The following NBDY variants were observed in gnomAD, a reference collection of about 807,000 sequenced individuals.
NBDY encodes P-body dissociating protein.
chrX:56,783,952 CT>C (rs11324047), intron 2 of NBDY, among the ~76,000 whole-genome samples: 11,090 of 112,327 alleles, frequency 0.099, 1,153 homozygotes, highest in African/African-American at 0.3. Context: ...GGAGCGTTCT[CT>C]GCCTCCCTCC....
At chrX:56,813,128 G>A (rs1420959038) in intron 2 of NBDY, among the ~76,000 whole-genome samples, 2 of 111,124 alleles carry the variant, frequency 1.8e-5, no homozygotes, top group Admixed American at 9.6e-5. Context: ...CATGGCACAT[G>A]TATACATATG....
chrX:56,740,646 G>C (rs1432345360), intron 2 of NBDY, among the ~76,000 whole-genome samples: 1 of 111,355 alleles, frequency 9.0e-6, no homozygotes, highest in African/African-American at 3.3e-5. Context: ...TACAAGTCTA[G>C]AATAGATACA....
rs1428813389 is a variant in NBDY, at chrX:56,732,068, G to A, written c.*35G>A. ...TATTTTTTACTATTTTTCAGTCTTT[G>A]AGTGATTGCAGTATGACTCCATTTC... On this transcript the variant is annotated 3_prime_UTR_variant, in exon 2 of 3. Transcript: ENST00000374922. 3.4e-6 allele frequency: 1 copy of A among 294,757 alleles called. No individual in the cohort carries two copies. The highest frequency in any genetic ancestry group is 2.8e-5 in the African/African-American group (1 of 36,342). 24.3% of individuals were successfully genotyped at this position (294,757 alleles called of 1,213,427 possible).
rs1157131797 is a variant in NBDY, at chrX:56,730,513, C to CAAAAAAAAAAAAAAAAAAAAAAA, written c.*29+935_*29+957dup. ...GCGACAATAGCAAAAAACTACGTCT[C>CAAAAAAAAAAAAAAAAAAAAAAA]AAAAAAAAAAAAAAAAAAAAAAAAA... On this transcript the variant is annotated intron_variant, in intron 1 of 2. Transcript: ENST00000374922. Among the ~76,000 whole-genome samples, 2 of 11,207 alleles carry CAAAAAAAAAAAAAAAAAAAAAAA rather than the reference C, an allele frequency of 1.8e-4. 1 individual carries two copies. The highest frequency in any genetic ancestry group is 3.5e-4 in the Non-Finnish European group (2 of 5,792). The allele number at this position is 11,207 out of a possible 115,157, so 9.7% of individuals were successfully genotyped here.
At chrX:56,801,712 CCCT>C (rs895155785) in intron 2 of NBDY, among the ~76,000 whole-genome samples, 1 of 110,672 alleles carries the variant, frequency 9.0e-6, no homozygotes, top group Admixed American at 9.6e-5. Flanking sequence ...CAAGTTGTCC[CCCT>C]TTGTCTTTTC....
chrX:56,746,140 G>A (rs1365441247), intron 2 of NBDY, among the ~76,000 whole-genome samples: 6 of 111,407 alleles, frequency 5.4e-5, no homozygotes, highest in Middle Eastern at 4.6e-3. Context: ...TACTTAGTCC[G>A]GTTGGTTGTC....
intron 2 of NBDY, among the ~76,000 whole-genome samples, chrX:56,793,929 T>C (rs776697209): frequency 1.8e-5 from 2 of 112,155 alleles, no homozygotes; most frequent in South Asian, 7.4e-4. Flanking sequence ...AGGGGCTCCC[T>C]GTTCCCCCTG....
chrX:56,749,294 C>T (rs1037378552), intron 2 of NBDY, among the ~76,000 whole-genome samples: 1 of 111,202 alleles, frequency 9.0e-6, no homozygotes, highest in Non-Finnish European at 1.9e-5. Flanking sequence ...TTCTATATCC[C>T]ATACAACTTT....
intron 2 of NBDY, among the ~76,000 whole-genome samples, chrX:56,784,242 C>A (rs753812199): frequency 8.9e-6 from 1 of 112,103 alleles, no homozygotes; most frequent in Non-Finnish European, 1.9e-5. Flanking sequence ...GGGGAAGGGA[C>A]CAAATCTTGT....
At chrX:56,763,586 T>A (rs1252959392) in intron 2 of NBDY, among the ~76,000 whole-genome samples, 1 of 112,645 alleles carries the variant, frequency 8.9e-6, no homozygotes, top group East Asian at 2.8e-4. Flanking sequence ...GCAGTAGCCC[T>A]ATGATCCTAG....
intron 2 of NBDY, among the ~76,000 whole-genome samples, chrX:56,816,355 C>T (rs567384833): frequency 3.0e-4 from 33 of 111,269 alleles, no homozygotes; most frequent in Middle Eastern, 5.4e-3. Flanking sequence ...TAAAATTGTA[C>T]GTTTCTAAAG....
chrX:56,802,930 C>CTT (rs113901857), intron 2 of NBDY, among the ~76,000 whole-genome samples: 2 of 110,803 alleles, frequency 1.8e-5, no homozygotes, highest in African/African-American at 6.7e-5. Context: ...TCCTCCCTGT[C>CTT]TTTTTTTTGT....
At chrX:56,759,475 G>A (rs775931321) in intron 2 of NBDY, among the ~76,000 whole-genome samples, 1 of 111,471 alleles carries the variant, frequency 9.0e-6, no homozygotes, top group Non-Finnish European at 1.9e-5. Context: ...CCTAGTGGCT[G>A]TTTTCTTTTT....
At chrX:56,736,316 GTGCAGTGGCGCAATCTAGGCCCAC>G (rs1306032155) in intron 2 of NBDY, among the ~76,000 whole-genome samples, 1 of 112,040 alleles carries the variant, frequency 8.9e-6, no homozygotes, top group Admixed American at 9.4e-5. Flanking sequence ...TCAGGCTGAA[GTGCAGTGGCGCAATCTAGGCCCAC>G]TGCAGCCTCC....
chrX:56,767,635 G>A (rs377246902), intron 2 of NBDY, among the ~76,000 whole-genome samples: 120 of 113,477 alleles, frequency 1.1e-3, no homozygotes, highest in African/African-American at 3.6e-3. Context: ...TTAGCAACTG[G>A]GCCAGCAGCT....
At chrX:56,743,875 G>A (rs923103820) in intron 2 of NBDY, among the ~76,000 whole-genome samples, 10 of 108,528 alleles carry the variant, frequency 9.2e-5, no homozygotes, top group Non-Finnish European at 1.9e-4. Context: ...TTCATTATTG[G>A]TTTCTTTATT....
chrX:56,735,890 G>A (rs1480105640), intron 2 of NBDY, among the ~76,000 whole-genome samples: 1 of 96,294 alleles, frequency 1.0e-5, no homozygotes, highest in Non-Finnish European at 2.1e-5. Flanking sequence ...TCTTGAACCA[G>A]ACAAAAGAAA....
At chrX:56,760,032 A>G (rs1402214713) in intron 2 of NBDY, among the ~76,000 whole-genome samples, 1 of 112,545 alleles carries the variant, frequency 8.9e-6, no homozygotes, top group Non-Finnish European at 1.9e-5. Flanking sequence ...GCCCATCACA[A>G]GACAGGGTGT....
chrX:56,783,428 T>C (rs769983556), intron 2 of NBDY, among the ~76,000 whole-genome samples: 7 of 113,000 alleles, frequency 6.2e-5, no homozygotes, highest in Non-Finnish European at 1.1e-4. Context: ...CGGCCCCATT[T>C]TCTGGCTGTC....
Sources: gnomAD v4.1 joint callset for allele counts (sites outside exome capture counted in the v4.1 genomes callset) on GRCh38, gnomAD v4.1.1 for gene constraint, MANE v1.5 for transcripts, NCBI Gene and HGNC (gene_info 2026-07-23, HGNC 2026-07-21) for gene names.